Variants in ADGRG4 observed in about 807,000 individuals in gnomAD.
ADGRG4 encodes the protein G protein-coupled receptor 112.
In ADGRG4, 122 loss-of-function variants were observed where a neutral mutation model predicts 126.2. That is an observed-to-expected ratio of 0.97 (90% CI 0.83 to 1.12). The LOEUF (loss-of-function observed/expected upper bound fraction) is 1.12, where lower values mean the gene tolerates loss of function less well. Among genes scored for constraint, ADGRG4 ranks in the 50% most tolerant of loss-of-function variants. The pLI, the probability that ADGRG4 is intolerant of heterozygous loss-of-function variation, is 0.00. For synonymous variants in ADGRG4, 943 were observed against 838.7 expected, an observed-to-expected ratio of 1.12 and a Z score of -2.15; for missense variants, 2,481 against 2,251.8, an observed-to-expected ratio of 1.10 and a Z score of -2.06.
chrX:136,332,886 A>G (rs1264045632), intron 5 of ADGRG4, among the ~76,000 whole-genome samples: 2 of 110,251 alleles, frequency 1.8e-5, no homozygotes, highest in East Asian at 2.8e-4. Flanking sequence ...GTTTGAGTTC[A>G]TTGTAGATTC....
Position 136,377,167 on chromosome X carries a change from C to CTTTTTTTTTTTTTTTTTTTTTTTTTTT in ADGRG4, c.7776+4127_7776+4128insTTTTTTTTTTTTTTTTTTTTTTTTTTT, listed in dbSNP as rs1184343263. ...GTTTTTCACTTTCTTGTTTTCTTTCCTTTTTTTTTTTTTTTTTTTTTTTTG... is the reference window on the plus strand; with the variant it reads ...GTTTTTCACTTTCTTGTTTTCTTTCCTTTTTTTTTTTTTTTTTTTTTTTTTTTTTTTTTTTTTTTTTTTTTTTTTTTG... On this transcript the variant is annotated intron_variant, in intron 15 of 25. Coordinates refer to ENST00000394143, the MANE Select transcript of ADGRG4 (RefSeq NM_153834.4). Among the ~76,000 whole-genome samples the CTTTTTTTTTTTTTTTTTTTTTTTTTTT allele has an allele frequency of 3.5e-4, 17 of 48,633 alleles. 1 individual carries two copies. The highest frequency in any genetic ancestry group is 4.1e-4 in the African/African-American group (4 of 9,785). The allele number at this position is 48,633 out of a possible 115,157, so 42.2% of individuals were successfully genotyped here.
At chrX:136,338,091 A>G (rs1226107790) in intron 5 of ADGRG4, among the ~76,000 whole-genome samples, 3 of 106,963 alleles carry the variant, frequency 2.8e-5, no homozygotes, top group Non-Finnish European at 5.8e-5. Context: ...CTACTCTACT[A>G]TTAAGTCCAT....
rs765939394 is a variant in ADGRG4, at chrX:136,348,885, T to G, written c.5179T>G (p.Ser1727Ala). Reference sequence around the variant, plus strand: ...ATCTGGGATTACTAACAGGTCCCTATCTACTGTGAACAGTGGTACAGGGGT... The same window carrying G: ...ATCTGGGATTACTAACAGGTCCCTAGCTACTGTGAACAGTGGTACAGGGGT... ...ILSGITNRSLSTVNSGTGVAL... is the reference protein window; with the variant it reads ...ILSGITNRSLATVNSGTGVAL... Residue 1727 changes from serine to alanine, a missense_variant, in exon 6 of 26, where the codon TCT becomes GCT. Transcript: ENST00000394143. 8.3e-6 allele frequency: 10 copies of G among 1,204,273 alleles called. No individual in the cohort carries two copies. Among genetic ancestry groups the G allele is most frequent in the African/African-American group, 1.8e-5 (1 of 56,595 alleles).
chrX:136,392,295 T>C lies in ADGRG4; in HGVS notation c.7975T>C (p.Phe2659Leu). ...VVSASISDDMFIQNLADPVVI... is the reference protein window; with the variant it reads ...VVSASISDDMLIQNLADPVVI... ...GAGTGCCAGCATTTCAGATGATATG[T>C]TCATTCAAAACTTAGCTGACCCAGT... is the stretch of plus-strand genomic sequence containing the variant. The change falls in exon 17 of 26, where the codon TTC becomes CTC. Residue 2659 changes from phenylalanine (F) to leucine (L), a missense_variant. Phe to Leu is a conservative substitution (Grantham distance 22). Coordinates refer to ENST00000394143, the MANE Select transcript of ADGRG4 (RefSeq NM_153834.4). The C allele has an allele frequency of 8.5e-7, 1 of 1,182,121 alleles. No individual in the cohort carries two copies. The highest frequency in any genetic ancestry group is 1.1e-6 in the Non-Finnish European group (1 of 874,876).
chrX:136,348,064 C>T lies in ADGRG4; in HGVS notation c.4358C>T (p.Ser1453Phe). Residue 1453 changes from serine to phenylalanine, a missense_variant, in exon 6 of 26, where the codon TCT becomes TTT. Transcript: ENST00000394143. ...CAACCTGAGGTGACTTCAGTTGCCT[C>T]TTTCATTTCTGAAAGCACACAGACT... ...RTQPEVTSVA[S>F]FISESTQTFP... 8.3e-7 allele frequency: 1 copy of T among 1,209,775 alleles called. No individual in the cohort carries two copies. Among genetic ancestry groups the T allele is most frequent in the Non-Finnish European group, 1.1e-6 (1 of 893,693 alleles).
rs531037275 is a variant in ADGRG4 at position 136,369,542 on chromosome X, C to G, written c.7397-1786C>G. On this transcript the variant is annotated intron_variant, in intron 13 of 25. Coordinates refer to ENST00000394143, the MANE Select transcript of ADGRG4 (RefSeq NM_153834.4). ...TGGCCTGCTGTTTACTTTCATTCTG[C>G]CACAGCAGGGACTACGTGAAAGTGA... Among the ~76,000 whole-genome samples the G allele has an allele frequency of 8.9e-5, 10 of 112,132 alleles. 1 individual carries two copies. Among genetic ancestry groups the G allele is most frequent in the African/African-American group, 3.2e-4 (10 of 30,924 alleles).
At position 136,349,536 on chromosome X, in the gene ADGRG4, G is replaced by A; in HGVS notation, c.5830G>A (p.Gly1944Arg). Residue 1944 changes from glycine (G) to arginine (R), a missense_variant, in exon 6 of 26, where the codon GGA (glycine) becomes AGA (arginine). Gly to Arg is a moderately radical substitution (Grantham distance 125). Transcript: ENST00000394143. ...GGCAATGTCATCAATTCCTATGTCA[G>A]GAATTCTTCCTAACCATGGGCTTTC... The part of the protein sequence containing the change: ...VMAMSSIPMS[G>R]ILPNHGLSEN... 3.3e-6 allele frequency: 4 copies of A among 1,208,978 alleles called. No homozygotes were observed. Among genetic ancestry groups the A allele is most frequent in the Non-Finnish European group, 4.5e-6 (4 of 893,380 alleles).
intron 5 of ADGRG4, among the ~76,000 whole-genome samples, chrX:136,336,203 A>G (rs752334236): frequency 9.8e-5 from 11 of 111,765 alleles, no homozygotes; most frequent in African/African-American, 3.2e-4. Flanking sequence ...GTTTGATTTC[A>G]TAATAATCAG....
At chrX:136,317,662 T>C (rs1268670304) in intron 4 of ADGRG4, among the ~76,000 whole-genome samples, 1 of 111,140 alleles carries the variant, frequency 9.0e-6, no homozygotes, top group Non-Finnish European at 1.9e-5. Context: ...AATACAGAAT[T>C]GGAGAAAATA....
chrX:136,314,801 A>G (rs1355997549), intron 4 of ADGRG4, among the ~76,000 whole-genome samples: 1 of 111,928 alleles, frequency 8.9e-6, no homozygotes, highest in Non-Finnish European at 1.9e-5. Context: ...CTATTACTGC[A>G]CTCTAACACT....
intron 5 of ADGRG4, among the ~76,000 whole-genome samples, chrX:136,328,051 TA>T (rs778825984): frequency 3.1e-4 from 35 of 111,793 alleles, no homozygotes; most frequent in African/African-American, 1.1e-3. Context: ...CATGTAAATA[TA>T]TTTTTTTTCT....
In ADGRG4 at chrX:136,377,167, CTTTTTTT is replaced by C. The variant is rs1184343263; in HGVS notation, c.7776+4121_7776+4127del. On this transcript the variant is annotated intron_variant, in intron 15 of 25. Transcript: ENST00000394143. ...GTTTTTCACTTTCTTGTTTTCTTTC[CTTTTTTT>C]TTTTTTTTTTTTTTTTTGTTGTTGT... is the stretch of plus-strand genomic sequence containing the variant. Among the ~76,000 whole-genome samples, 50 of 48,633 alleles carry C rather than the reference CTTTTTTT, an allele frequency of 1.0e-3. 1 individual carries two copies. Among genetic ancestry groups the C allele is most frequent in the South Asian group, 2.8e-3 (2 of 717 alleles). 42.2% of individuals were successfully genotyped at this position (48,633 alleles called of 115,157 possible). A position where few individuals can be genotyped will look rare whatever the true frequency, so the allele number is the denominator to read the frequency against.
At chrX:136,355,222 TACACAC>T (rs10553631) in intron 8 of ADGRG4, among the ~76,000 whole-genome samples, 34 of 100,209 alleles carry the variant, frequency 3.4e-4, no homozygotes, top group African/African-American at 6.9e-4. Context: ...AACATATGTG[TACACAC>T]ACACACACAC....
At chrX:136,369,666 C>T (rs989094539) in intron 13 of ADGRG4, among the ~76,000 whole-genome samples, 3 of 112,151 alleles carry the variant, frequency 2.7e-5, no homozygotes, top group Non-Finnish European at 3.8e-5. Context: ...TAGAAAGGTC[C>T]GTGAATGAGC....
chrX:136,308,870 T>C (rs766874331), intron 4 of ADGRG4, 23 bp downstream of exon 4: 8 of 874,821 alleles, frequency 9.1e-6, no homozygotes, highest in Non-Finnish European at 1.3e-5. Context: ...ATTCTTATTA[T>C]CTCTTTCAAT....
At position 136,416,305 on chromosome X, in the gene ADGRG4, A is replaced by C. The variant is rs374731761; in HGVS notation, c.9206-149A>C. ...TGAATTAATTCACCCCGGATTTTAT[A>C]TAAAACAGTCCAAAGAAAGCACCAT... On this transcript the variant is annotated intron_variant, in intron 25 of 25. Transcript: ENST00000394143. 7.0e-5 allele frequency: 31 copies of C among 441,908 alleles called. 1 individual carries two copies. The highest frequency in any genetic ancestry group is 7.4e-4 in the Middle Eastern group (2 of 2,712). The allele number at this position is 441,908 out of a possible 1,213,427, so 36.4% of individuals were successfully genotyped here.
intron 5 of ADGRG4, among the ~76,000 whole-genome samples, 185 bp downstream of exon 5, chrX:136,323,577 AACACACACACACAC>A (rs138686053): frequency 1.1e-5 from 1 of 94,013 alleles, no homozygotes; most frequent in African/African-American, 3.9e-5. Context: ...AGGATAGAAG[AACACACACACACAC>A]ACACACACAC....
In ADGRG4 at chrX:136,405,897, G is replaced by A; in HGVS notation, c.8860G>A (p.Gly2954Arg). The change falls in exon 23 of 26, where the codon GGG (glycine) becomes AGG (arginine). Residue 2954 changes from glycine (G) to arginine (R), a missense_variant. Physicochemically the swap from Gly to Arg is moderately radical, Grantham distance 125. Transcript: ENST00000394143. ...GACATTCTTACTTGGCCTCACCTGG[G>A]GGTTTGCATTTTTTGCTTGGGGACC... ...SLTFLLGLTW[G>R]FAFFAWGPMR... 1 of 1,179,715 alleles carries A rather than the reference G, an allele frequency of 8.5e-7. No homozygotes were observed. The highest frequency in any genetic ancestry group is 1.1e-6 in the Non-Finnish European group (1 of 878,832).
At chrX:136,341,289 A>G (rs2074977735) in intron 5 of ADGRG4, among the ~76,000 whole-genome samples, 2 of 112,637 alleles carry the variant, frequency 1.8e-5, no homozygotes, top group Non-Finnish European at 3.8e-5. Flanking sequence ...TTAGACTTTT[A>G]TGGTATTTAG....
Sources: gnomAD v4.1 joint callset for allele counts (sites outside exome capture counted in the v4.1 genomes callset) on GRCh38, gnomAD v4.1.1 for gene constraint, MANE v1.5 for transcripts, NCBI Gene and HGNC (gene_info 2026-07-23, HGNC 2026-07-21) for gene names.